Variants in ZBTB16 observed in about 807,000 individuals in gnomAD.
ZBTB16 encodes zinc finger and BTB domain containing 16.
Under a neutral mutation model 56.8 loss-of-function variants are expected in ZBTB16, and 8 were observed. The ratio of observed to expected loss-of-function variants is 0.14; its 90% confidence interval spans 0.08 to 0.25. The LOEUF (loss-of-function observed/expected upper bound fraction) is 0.25. Ranked by LOEUF, ZBTB16 falls within the 10% of genes least tolerant of loss-of-function variation. The pLI, the probability that ZBTB16 is intolerant of heterozygous loss-of-function variation, is 1.00. For synonymous variants in ZBTB16, 363 were observed against 368.5 expected (o/e 0.98, Z 0.17); for missense variants, 625 against 903.0 (o/e 0.69, Z 3.95).
At chr11:114,248,655 A>AG in intron 6 of ZBTB16, among the ~76,000 whole-genome samples, 1 of 152,100 alleles carries the variant, frequency 6.6e-6, no homozygotes, top group East Asian at 1.9e-4. Context: ...TTGCCCTTGG[A>AG]GGGGAAGGGT....
chr11:114,131,401 T>G (rs557471109), intron 2 of ZBTB16, among the ~76,000 whole-genome samples: 1 of 152,356 alleles, frequency 6.6e-6, no homozygotes, highest in Admixed American at 6.5e-5. Flanking sequence ...ACATAAAATC[T>G]TTTGTTTTCT....
At chr11:114,112,419 T>A (rs1275391707) in intron 2 of ZBTB16, among the ~76,000 whole-genome samples, 1 of 151,820 alleles carries the variant, frequency 6.6e-6, no homozygotes, top group Non-Finnish European at 1.5e-5. Flanking sequence ...ATGGAGAAGG[T>A]AGAGGGAGAG....
rs1591631927 is a variant in ZBTB16 at position 114,064,271 on chromosome 11, C to A, written c.971C>A (p.Ala324Glu). Residue 324 changes from alanine (A) to glutamate (E), a missense_variant, in exon 2 of 7, where the codon GCA becomes GAA. Physicochemically the swap from Ala to Glu is moderately radical, Grantham distance 107. This residue lies in a region of ZBTB16 where 384 missense variants were observed against 393.5 expected (regional missense o/e 0.98). Transcript: ENST00000335953. This position sits in a 1 kb window ranked among gnomAD's most constrained non-coding sequence, Gnocchi z 4.2. ...CCCACTGGCCGACCTGAGCACCCAG[C>A]ACCCCCGCCTGAGAAGCATCTGGGC... is the stretch of plus-strand genomic sequence containing the variant. ...QAPTGRPEHP[A>E]PPPEKHLGIY... 1 of 1,614,088 alleles carries A rather than the reference C, an allele frequency of 6.2e-7. No individual in the cohort carries two copies. Among genetic ancestry groups the A allele is most frequent in the East Asian group, 2.2e-5 (1 of 44,872 alleles).
intron 2 of ZBTB16, among the ~76,000 whole-genome samples, chr11:114,139,626 CGTGTGTGTGTGT>C (rs750514241): frequency 1.8e-4 from 25 of 138,568 alleles, no homozygotes; most frequent in South Asian, 4.7e-4. Flanking sequence ...CCGCGGTCCA[CGTGTGTGTGTGT>C]GTGTGTGTGT....
At chr11:114,119,612 A>G (rs759648765) in intron 2 of ZBTB16, among the ~76,000 whole-genome samples, 2 of 152,134 alleles carry the variant, frequency 1.3e-5, no homozygotes, top group Admixed American at 6.5e-5. Flanking sequence ...ACACTCAAGG[A>G]TGGATAGAAA....
intron 2 of ZBTB16, among the ~76,000 whole-genome samples, chr11:114,086,187 G>A (rs1387113769): frequency 6.6e-6 from 1 of 152,230 alleles, no homozygotes; most frequent in Non-Finnish European, 1.5e-5. Context: ...TTACGCAGCA[G>A]TGCAAACTCA....
At chr11:114,147,063 G>T (rs1331890502) in intron 2 of ZBTB16, among the ~76,000 whole-genome samples, 1 of 152,172 alleles carries the variant, frequency 6.6e-6, no homozygotes, top group Non-Finnish European at 1.5e-5. Context: ...TTGATGTTTA[G>T]AGTGATAGCT....
At chr11:114,141,061 C>T (rs145757569) in intron 2 of ZBTB16, among the ~76,000 whole-genome samples, 91 of 152,258 alleles carry the variant, frequency 6.0e-4, no homozygotes, top group African/African-American at 2.1e-3. Flanking sequence ...CACTCTACCG[C>T]CTCCGCAGGC....
At position 114,190,791 on chromosome 11, in the gene ZBTB16, A is replaced by G. The variant is rs1232442662; in HGVS notation, c.1453+3753A>G. Among the ~76,000 whole-genome samples the G allele has an allele frequency of 2.0e-5, 3 of 152,246 alleles. No individual in the cohort carries two copies. The East Asian group carries it at 5.8e-4, about 29-fold the overall frequency. ...TACACACATGTGTATACATACACACACAAACAGAGTGACGTGCCATGTATT... is the reference window on the plus strand; with the variant it reads ...TACACACATGTGTATACATACACACGCAAACAGAGTGACGTGCCATGTATT... On this transcript the variant is annotated intron_variant, in intron 4 of 6. Transcript: ENST00000335953.
chr11:114,247,030 G>GGT (rs1944829125), intron 5 of ZBTB16, 168 bp from the exon 6 acceptor site: 3 of 772,212 alleles, frequency 3.9e-6, no homozygotes, highest in African/African-American at 1.7e-5. Context: ...TGTGAAGACA[G>GGT]GTATTGCTTG....
intron 2 of ZBTB16, among the ~76,000 whole-genome samples, chr11:114,122,640 C>G (rs1407042240): frequency 6.6e-6 from 1 of 152,178 alleles, no homozygotes; most frequent in Admixed American, 6.5e-5. Flanking sequence ...AATTCTCTCT[C>G]TCTTTCTCAT....
chr11:114,062,252 T>C (rs997810466), intron 1 of ZBTB16, among the ~76,000 whole-genome samples: 1 of 151,458 alleles, frequency 6.6e-6, no homozygotes. Context: ...TACAGGCGGG[T>C]GCCACCGCGC....
At chr11:114,113,708 T>G (rs997890925) in intron 2 of ZBTB16, among the ~76,000 whole-genome samples, 4 of 152,228 alleles carry the variant, frequency 2.6e-5, no homozygotes, top group Non-Finnish European at 4.4e-5. Flanking sequence ...ATGACCTTTC[T>G]TTGAAATCCC....
intron 4 of ZBTB16, among the ~76,000 whole-genome samples, chr11:114,195,109 C>T (rs1943575614): frequency 6.6e-6 from 1 of 152,288 alleles, no homozygotes; most frequent in African/African-American, 2.4e-5. Flanking sequence ...TTGTTCAAGC[C>T]ACTGTACATC....
chr11:114,231,054 A>T (rs779998626), intron 4 of ZBTB16, among the ~76,000 whole-genome samples: 25 of 152,206 alleles, frequency 1.6e-4, no homozygotes, highest in African/African-American at 5.3e-4. Context: ...CAGGGGCCTC[A>T]GGATGACTTT....
At chr11:114,196,129 A>T (rs1351854875) in intron 4 of ZBTB16, among the ~76,000 whole-genome samples, 4 of 152,166 alleles carry the variant, frequency 2.6e-5, no homozygotes, top group African/African-American at 9.7e-5. Context: ...GTGTCTAAAC[A>T]GGTGATGTGT....
At chr11:114,102,997 G>A (rs1468872792) in intron 2 of ZBTB16, among the ~76,000 whole-genome samples, 2 of 152,104 alleles carry the variant, frequency 1.3e-5, no homozygotes, top group African/African-American at 2.4e-5. Flanking sequence ...TGTTCCTCTC[G>A]GCTGCTGGGA....
In ZBTB16 at chr11:114,232,102, G is replaced by T. The variant is rs187743604; in HGVS notation, c.1454-10065G>T. Among the ~76,000 whole-genome samples, 76 of 152,206 alleles carry T rather than the reference G, an allele frequency of 5.0e-4. 1 individual carries two copies. Among genetic ancestry groups the T allele is most frequent in the Admixed American group, 3.5e-3 (53 of 15,288 alleles). On this transcript the variant is annotated intron_variant, in intron 4 of 6. Coordinates refer to ENST00000335953, the MANE Select transcript of ZBTB16 (RefSeq NM_006006.6). ...ATCCTGGCCTGCCCTTTCATGCTCC[G>T]TCCCGATGTTCCCCCACCCGCTTTG... is the stretch of plus-strand genomic sequence containing the variant.
At chr11:114,067,608 T>C (rs1167009590) in intron 2 of ZBTB16, among the ~76,000 whole-genome samples, 1 of 152,088 alleles carries the variant, frequency 6.6e-6, no homozygotes, top group Non-Finnish European at 1.5e-5. Context: ...GGTTTCACCA[T>C]GTTGGTCAGG....
Sources: allele counts gnomAD v4.1 joint callset (sites outside exome capture counted in the v4.1 genomes callset), GRCh38; gene constraint gnomAD v4.1.1; regional missense constraint gnomAD v4.1.1; non-coding constraint Gnocchi (gnomAD v3.1); transcripts MANE v1.5; gene names NCBI Gene and HGNC (gene_info 2026-07-23, HGNC 2026-07-21).